APP: variants seen among roughly 807,000 people sequenced by gnomAD.
APP encodes the protein amyloid-beta precursor protein.
Under a neutral mutation model 101.4 loss-of-function variants are expected in APP, and 31 were observed. That is an observed-to-expected ratio of 0.31 (90% CI 0.23 to 0.41). The LOEUF is 0.41. Ranked by LOEUF, APP falls within the 10% of genes least tolerant of loss-of-function variation. The probability of loss-of-function intolerance (pLI) is 1.00; values close to 1 mark genes in which losing one functional copy is unlikely to be tolerated. For synonymous variants in APP, 366 were observed against 364.4 expected (o/e 1.00, Z -0.05); for missense variants, 839 against 1,003.7 (o/e 0.84, Z 2.22).
chr21:26,169,991 G>C (rs1427694861), intron 1 of APP, among the ~76,000 whole-genome samples: 2 of 152,202 alleles, frequency 1.3e-5, no homozygotes, highest in Admixed American at 1.3e-4. Context: ...CAGCAGCCGC[G>C]AAAAGAGGTT....
At chr21:25,968,306 G>C (rs968905959) in intron 11 of APP, among the ~76,000 whole-genome samples, 12 of 150,684 alleles carry the variant, frequency 8.0e-5, no homozygotes, top group African/African-American at 2.9e-4. Context: ...CATCATGCCT[G>C]GCTAATTAAA....
chr21:25,960,571 G>A (rs1228488575), intron 11 of APP, among the ~76,000 whole-genome samples: 1 of 152,120 alleles, frequency 6.6e-6, no homozygotes, highest in East Asian at 1.9e-4. Flanking sequence ...GGAAACAGCT[G>A]TTACGGAGGC....
intron 8 of APP, among the ~76,000 whole-genome samples, chr21:25,993,991 C>CTGAG (rs1160151897): frequency 6.6e-6 from 1 of 152,256 alleles, no homozygotes; most frequent in African/African-American, 2.4e-5. Context: ...ATGAAGGAGC[C>CTGAG]TGAGATGGGA....
intron 17 of APP, among the ~76,000 whole-genome samples, chr21:25,888,641 C>G (rs889873659): frequency 3.3e-5 from 5 of 152,182 alleles, no homozygotes; most frequent in Admixed American, 3.3e-4. Flanking sequence ...AAGAGCTGAA[C>G]AGCCATCCTT....
intron 3 of APP, among the ~76,000 whole-genome samples, chr21:26,063,566 C>A (rs1245640642): frequency 5.3e-5 from 8 of 151,042 alleles, no homozygotes; most frequent in African/African-American, 1.9e-4. Flanking sequence ...GCATAGGAAC[C>A]AAGTGAAAGG....
At chr21:25,959,793 G>T (rs2041498701) in intron 11 of APP, among the ~76,000 whole-genome samples, 1 of 152,170 alleles carries the variant, frequency 6.6e-6, no homozygotes, top group African/African-American at 2.4e-5. Flanking sequence ...TTAAAGTTAG[G>T]CTTTTGTGAC....
At chr21:26,169,475 C>T in intron 1 of APP, 1 of 153,122 alleles carries the variant, frequency 6.5e-6, no homozygotes, top group Non-Finnish European at 1.5e-5. Flanking sequence ...AGAGCCCGTG[C>T]CTCCCCACCA....
chr21:25,987,113 T>C (rs970315198), intron 8 of APP, among the ~76,000 whole-genome samples: 6 of 152,252 alleles, frequency 3.9e-5, no homozygotes, highest in African/African-American at 1.4e-4. Context: ...CCATATGCTT[T>C]GTTATGATGT....
intron 8 of APP, among the ~76,000 whole-genome samples, chr21:25,987,312 A>G (rs1239499204): frequency 6.6e-6 from 1 of 152,186 alleles, no homozygotes; most frequent in Non-Finnish European, 1.5e-5. Context: ...CAAGCTGGCT[A>G]GGTATGTTCC....
At chr21:26,082,080 G>A (rs965309885) in intron 3 of APP, among the ~76,000 whole-genome samples, 5 of 152,122 alleles carry the variant, frequency 3.3e-5, no homozygotes, top group Non-Finnish European at 5.9e-5. Flanking sequence ...TTAGCTGGGC[G>A]TGGTGGCGGG....
At chr21:26,050,539 G>A (rs2045794478) in intron 5 of APP, among the ~76,000 whole-genome samples, 1 of 151,822 alleles carries the variant, frequency 6.6e-6, no homozygotes, top group African/African-American at 2.4e-5. Flanking sequence ...CCACTATGAA[G>A]GAAAAGAAAT....
chr21:26,076,960 G>A (rs897553670), intron 3 of APP, among the ~76,000 whole-genome samples: 2 of 151,838 alleles, frequency 1.3e-5, no homozygotes, highest in Non-Finnish European at 2.9e-5. Context: ...CTACTCAAGA[G>A]GCTGAGACAG....
At chr21:26,080,879 G>A (rs553248709) in intron 3 of APP, among the ~76,000 whole-genome samples, 2 of 151,840 alleles carry the variant, frequency 1.3e-5, no homozygotes, top group African/African-American at 4.8e-5. Flanking sequence ...GGTGTTTACC[G>A]CTACTGAGTT....
intron 2 of APP, among the ~76,000 whole-genome samples, chr21:26,109,855 G>A (rs561346504): frequency 8.8e-4 from 134 of 152,116 alleles, no homozygotes; most frequent in African/African-American, 3.1e-3. Flanking sequence ...AGGACAATTT[G>A]GTCAATGTCA....
At position 26,126,077 on chromosome 21, in the gene APP, A is replaced by T. The variant is rs574388531; in HGVS notation, c.58-13931T>A. Among the ~76,000 whole-genome samples, 18 of 152,352 alleles carry T rather than the reference A, an allele frequency of 1.2e-4. No homozygotes were observed. In the East Asian group the frequency reaches 3.5e-3, roughly 29 times the overall value. The stretch of plus-strand genomic sequence containing the variant: ...AGGGGTATTGCACTGTGTGGGAAAG[A>T]TTTACATTCTACCAAAAAATCTAAG... On this transcript the variant is annotated intron_variant, in intron 1 of 17. Transcript: ENST00000346798.
intron 11 of APP, among the ~76,000 whole-genome samples, chr21:25,972,304 C>T (rs1484485392): frequency 6.6e-6 from 1 of 151,616 alleles, no homozygotes; most frequent in Non-Finnish European, 1.5e-5. Context: ...TGTTAAAAAC[C>T]AGTGATATAG....
At chr21:26,000,300 G>A in intron 6 of APP, 118 bp from the exon 7 acceptor site, 2 of 1,273,112 alleles carry the variant, frequency 1.6e-6, no homozygotes, top group Middle Eastern at 2.1e-4. Flanking sequence ...GGTTTATTAG[G>A]CAGCATCTAC....
intron 11 of APP, among the ~76,000 whole-genome samples, chr21:25,972,608 C>A (rs2042073823): frequency 6.8e-6 from 1 of 147,772 alleles, no homozygotes; most frequent in African/African-American, 2.5e-5. Context: ...GCAATCACAG[C>A]TCACTGCAGT....
At chr21:26,170,016 G>C (rs1002274708) in intron 1 of APP, among the ~76,000 whole-genome samples, 91 of 152,176 alleles carry the variant, frequency 6.0e-4, no homozygotes, top group Non-Finnish European at 1.2e-4. Flanking sequence ...CAAGGAAGGG[G>C]GATGGGGGTG....
Sources: allele counts gnomAD v4.1 joint callset (sites outside exome capture counted in the v4.1 genomes callset), GRCh38; gene constraint gnomAD v4.1.1; transcripts MANE v1.5; gene names NCBI Gene and HGNC (gene_info 2026-07-23, HGNC 2026-07-21).